The following SP4 variants were observed in gnomAD, a reference collection of about 807,000 sequenced individuals.
SP4 encodes transcription factor Sp4.
A neutral mutation model predicts 72.8 loss-of-function variants in SP4; 19 were observed. That is an observed-to-expected ratio of 0.26 (90% CI 0.18 to 0.38). The LOEUF (loss-of-function observed/expected upper bound fraction) is 0.38, where lower values mean the gene tolerates loss of function less well. SP4 is among the 10% of genes least tolerant of loss of function. The probability of loss-of-function intolerance (pLI) is 1.00; values close to 1 mark genes in which losing one functional copy is unlikely to be tolerated. For synonymous variants in SP4, 395 were observed against 333.1 expected, an observed-to-expected ratio of 1.19 and a Z score of -2.02; for missense variants, 1,008 against 926.3, an observed-to-expected ratio of 1.09 and a Z score of -1.14.
At chr7:21,458,480 G>A (rs1325865633) in intron 3 of SP4, among the ~76,000 whole-genome samples, 9 of 152,058 alleles carry the variant, frequency 5.9e-5, no homozygotes, top group African/African-American at 2.2e-4. Flanking sequence ...CACTGCGTCC[G>A]GCCAGTTTAT....
intron 5 of SP4, among the ~76,000 whole-genome samples, chr7:21,506,943 G>T (rs780450170): frequency 3.3e-5 from 5 of 152,122 alleles, no homozygotes; most frequent in Non-Finnish European, 7.4e-5. Context: ...CAGTCCCTGG[G>T]ATCATTATTA....
chr7:21,452,390 A>G (rs1783626953), intron 3 of SP4, among the ~76,000 whole-genome samples: 1 of 152,196 alleles, frequency 6.6e-6, no homozygotes, highest in African/African-American at 2.4e-5. Flanking sequence ...AGTTGGTGCC[A>G]TCAAATACCT....
rs1432630681 is a variant in SP4, at chr7:21,430,596, T to G, written c.1431T>G (p.Ile477Met). ...GGCAAACTGTACAGGTTCAGAATAT[T>G]CAGAGTCTTTCAAATTTGCAAGTTC... ...ISWQTVQVQNIQSLSNLQVQN... is the reference protein window; with the variant it reads ...ISWQTVQVQNMQSLSNLQVQN... Residue 477 changes from isoleucine (I) to methionine (M), a missense_variant, in exon 3 of 6, where the codon ATT becomes ATG. Transcript: ENST00000222584. The G allele has an allele frequency of 1.2e-5, 20 of 1,614,216 alleles. No homozygotes were observed. Among genetic ancestry groups the G allele is most frequent in the Non-Finnish European group, 1.7e-5 (20 of 1,180,036 alleles).
At chr7:21,474,326 G>T (rs1022687529) in intron 3 of SP4, among the ~76,000 whole-genome samples, 3 of 152,206 alleles carry the variant, frequency 2.0e-5, no homozygotes, top group African/African-American at 7.2e-5. Flanking sequence ...AAAAATACCT[G>T]TGTCTTCAGG....
intron 3 of SP4, among the ~76,000 whole-genome samples, chr7:21,460,823 C>A (rs1347778094): frequency 2.0e-5 from 3 of 152,016 alleles, no homozygotes; most frequent in Non-Finnish European, 2.9e-5. Context: ...CTGATTGGTG[C>A]ATTTACAAAC....
At chr7:21,510,921 G>C (rs1782124274) in intron 5 of SP4, 101 bp from the exon 6 acceptor site, 2 of 1,175,418 alleles carry the variant, frequency 1.7e-6, no homozygotes, top group African/African-American at 3.1e-5. Context: ...TAGTGAAACT[G>C]TACAAAAAGT....
chr7:21,473,291 A>G (rs1257990662), intron 3 of SP4, among the ~76,000 whole-genome samples: 8 of 152,196 alleles, frequency 5.3e-5, no homozygotes, highest in Admixed American at 4.6e-4. Context: ...CTAAAAGATG[A>G]CATTTTAAGG....
intron 3 of SP4, among the ~76,000 whole-genome samples, chr7:21,440,500 A>G (rs1783207271): frequency 6.6e-6 from 1 of 152,142 alleles, no homozygotes; most frequent in Non-Finnish European, 1.5e-5. Flanking sequence ...AGCTTTGGTA[A>G]AGTGCAAGCA....
chr7:21,505,638 T>C (rs1034660101), intron 5 of SP4, among the ~76,000 whole-genome samples: 4 of 152,198 alleles, frequency 2.6e-5, no homozygotes, highest in Non-Finnish European at 5.9e-5. Flanking sequence ...ATCCACCACA[T>C]TGAACCACTT....
intron 3 of SP4, among the ~76,000 whole-genome samples, chr7:21,437,837 G>A (rs1356106581): frequency 1.3e-5 from 2 of 152,140 alleles, no homozygotes; most frequent in Admixed American, 6.5e-5. Flanking sequence ...GCGCAGTACC[G>A]GGTGGCACAT....
At chr7:21,499,614 A>G (rs975188864) in intron 5 of SP4, among the ~76,000 whole-genome samples, 3 of 152,102 alleles carry the variant, frequency 2.0e-5, no homozygotes, top group African/African-American at 7.2e-5. Flanking sequence ...TTAATTTTGG[A>G]CTTCTGGCCT....
Position 21,513,593 on chromosome 7 carries a change from T to A in SP4, c.*2324T>A, listed in dbSNP as rs1427214032. On this transcript the variant is annotated 3_prime_UTR_variant, in exon 6 of 6. Coordinates refer to ENST00000222584, the MANE Select transcript of SP4 (RefSeq NM_003112.5). ...ACAATCAGTGCTATAAATTTTTTTA[T>A]GCAAAGAAACTTTCTTAATGTTTTA... 2 of 152,606 alleles carry A rather than the reference T, an allele frequency of 1.3e-5. No individual in the cohort carries two copies. The highest frequency in any genetic ancestry group is 2.9e-5 in the Non-Finnish European group (2 of 68,020). The allele number at this position is 152,606 out of a possible 1,614,324, so 9.5% of individuals were successfully genotyped here.
At chr7:21,484,687 C>T (rs897682392) in intron 5 of SP4, among the ~76,000 whole-genome samples, 3 of 151,786 alleles carry the variant, frequency 2.0e-5, no homozygotes, top group African/African-American at 7.2e-5. Flanking sequence ...TGCAGTGTTT[C>T]CATCCTGGAT....
At chr7:21,461,782 G>A (rs1472143712) in intron 3 of SP4, among the ~76,000 whole-genome samples, 3 of 152,126 alleles carry the variant, frequency 2.0e-5, no homozygotes, top group African/African-American at 4.8e-5. Flanking sequence ...AGGGCTGCCA[G>A]CACGCTGTCA....
Position 21,479,400 on chromosome 7 carries a change from G to A in SP4, c.1907+2093G>A, listed in dbSNP as rs147997518. On this transcript the variant is annotated intron_variant, in intron 4 of 5. Coordinates refer to ENST00000222584, the MANE Select transcript of SP4 (RefSeq NM_003112.5). ...TTGTTGAAAAGACTGTCCTTTCTCC[G>A]TTGAATGTTCTTGGCACCCATGTCA... Among the ~76,000 whole-genome samples, 1,462 of 152,108 alleles carry A rather than the reference G, an allele frequency of 9.6e-3. 30 individuals are homozygous for A. The highest frequency in any genetic ancestry group is 0.034 in the African/African-American group (1,403 of 41,518).
chr7:21,446,033 C>T (rs576774372), intron 3 of SP4, among the ~76,000 whole-genome samples: 38 of 135,548 alleles, frequency 2.8e-4, no homozygotes, highest in South Asian at 1.5e-3. Context: ...TGTGTGTGCA[C>T]GCATATGTAG....
intron 3 of SP4, among the ~76,000 whole-genome samples, chr7:21,448,237 A>C (rs541356067): frequency 1.6e-4 from 25 of 152,114 alleles, no homozygotes; most frequent in African/African-American, 6.0e-4. Context: ...AGTTTAGTTG[A>C]GGTCTAGCTC....
At chr7:21,497,950 G>A (rs751531793) in intron 5 of SP4, among the ~76,000 whole-genome samples, 7 of 152,188 alleles carry the variant, frequency 4.6e-5, no homozygotes, top group Middle Eastern at 3.4e-3. Flanking sequence ...AATCTTAGTC[G>A]TCTTTGTCAG....
chr7:21,504,685 A>C (rs1781950272), intron 5 of SP4, among the ~76,000 whole-genome samples: 1 of 152,346 alleles, frequency 6.6e-6, no homozygotes, highest in South Asian at 2.1e-4. Context: ...ACAAGCAAAT[A>C]ATTTTTTTTC....
Sources: allele counts gnomAD v4.1 joint callset (sites outside exome capture counted in the v4.1 genomes callset), GRCh38; gene constraint gnomAD v4.1.1; transcripts MANE v1.5; gene names NCBI Gene and HGNC (gene_info 2026-07-23, HGNC 2026-07-21).